The following RGS3 variants were observed in gnomAD, a reference collection of about 807,000 sequenced individuals.
RGS3 encodes the protein regulator of G-protein signalling 3.
Under a neutral mutation model 132.6 loss-of-function variants are expected in RGS3, and 80 were observed. That is an observed-to-expected ratio of 0.60 (90% confidence interval 0.50 to 0.73). The LOEUF (loss-of-function observed/expected upper bound fraction) is 0.73, where lower values mean the gene tolerates loss of function less well. Among genes scored for constraint, RGS3 ranks in the 30% least tolerant of loss-of-function variants. The pLI, the probability that RGS3 is intolerant of heterozygous loss-of-function variation, is 0.00. For synonymous variants in RGS3, 598 were observed against 620.6 expected, an observed-to-expected ratio of 0.96 and a Z score of 0.54; for missense variants, 1,382 against 1,530.8, an observed-to-expected ratio of 0.90 and a Z score of 1.62.
At position 113,584,170 on chromosome 9, in the gene RGS3, G is replaced by A. The variant is rs1353006810; in HGVS notation, c.2758G>A (p.Glu920Lys). The A allele has an allele frequency of 3.7e-6, 6 of 1,614,134 alleles. No individual in the cohort carries two copies. The African/African-American group carries it at 4.0e-5, about 11-fold the overall frequency. ...TGAGGCCAAGCGCAGCAGCATGATC[G>A]AGACGGGCCAGGGGGCTGAGGGTGG... The change falls in exon 20 of 25, where the codon GAG (glutamate) becomes AAG (lysine). Residue 920 changes from glutamate to lysine, a missense_variant. Physicochemically the swap from Glu to Lys is moderately conservative, Grantham distance 56. Transcript: ENST00000350696.
At chr9:113,455,559 T>G (rs1054811624), upstream of RGS3, among the ~76,000 whole-genome samples, 3 of 152,208 alleles carry the variant, frequency 2.0e-5, no homozygotes, top group Admixed American at 1.3e-4. Flanking sequence ...GAAGGTTTGG[T>G]CTCTTCCACT....
At chr9:113,556,940 C>T (rs1024927452) in intron 19 of RGS3, among the ~76,000 whole-genome samples, 15 of 152,228 alleles carry the variant, frequency 9.9e-5, no homozygotes, top group African/African-American at 3.4e-4. Context: ...CCTCTTCCTA[C>T]TCCTGTCCAT....
At chr9:113,478,563 C>T (rs1037427014) in intron 3 of RGS3, among the ~76,000 whole-genome samples, 5 of 152,224 alleles carry the variant, frequency 3.3e-5, no homozygotes, top group African/African-American at 1.2e-4. Context: ...AATCCCAGAA[C>T]TTTGGGAGGC....
At chr9:113,480,704 A>G (rs1830133266) in intron 4 of RGS3, among the ~76,000 whole-genome samples, 1 of 152,212 alleles carries the variant, frequency 6.6e-6, no homozygotes, top group African/African-American at 2.4e-5. Context: ...AGGGCTAGCA[A>G]GTGCAAAGGC....
rs757047409 is a variant in RGS3, at chr9:113,463,771, A to G, written c.415+1570A>G. 6.3e-6 allele frequency: 10 copies of G among 1,585,536 alleles called. No homozygotes were observed. The South Asian group carries it at 1.1e-4, about 18-fold the overall frequency. On this transcript the variant is annotated intron_variant, in intron 3 of 24. Coordinates refer to ENST00000350696, the Ensembl canonical transcript of RGS3. The surrounding 1 kb of genome is among the most constrained non-coding windows in gnomAD (Gnocchi z 4.6). The stretch of plus-strand genomic sequence containing the variant: ...GAGCAACACAGCCGCCTCGGGTTGC[A>G]GACGCTCCTGTCCGGGTCGCAGTGG...
At chr9:113,590,522 A>G (rs1475870499) in intron 20 of RGS3, among the ~76,000 whole-genome samples, 1 of 151,218 alleles carries the variant, frequency 6.6e-6, no homozygotes, top group African/African-American at 2.4e-5. Flanking sequence ...CCATCCATCC[A>G]TCCATCCACT....
intron 7 of RGS3, among the ~76,000 whole-genome samples, chr9:113,486,445 A>C (rs759168771): frequency 1.1e-4 from 16 of 152,250 alleles, no homozygotes; most frequent in Non-Finnish European, 2.1e-4. Flanking sequence ...CTGATCTTGC[A>C]GGCAGTGCAG....
At chr9:113,501,396 A>T in intron 10 of RGS3, 1 of 1,418,564 alleles carries the variant, frequency 7.0e-7, no homozygotes, top group Non-Finnish European at 9.2e-7. Flanking sequence ...CTTCGGGCTT[A>T]TCGTGCAGAG....
intron 14 of RGS3, among the ~76,000 whole-genome samples, chr9:113,512,558 G>A (rs147117676): frequency 0.014 from 2,206 of 152,240 alleles, 60 homozygotes; most frequent in African/African-American, 0.05. Flanking sequence ...GGAGGAGGAA[G>A]CAAGTGTGAA....
At chr9:113,568,019 G>A (rs1460411311) in intron 19 of RGS3, among the ~76,000 whole-genome samples, 1 of 152,230 alleles carries the variant, frequency 6.6e-6, no homozygotes, top group Non-Finnish European at 1.5e-5. Context: ...TTAGGTTGGT[G>A]TAAAAGCAAC....
chr9:113,474,468 A>T (rs941295593), intron 3 of RGS3, among the ~76,000 whole-genome samples: 12 of 152,196 alleles, frequency 7.9e-5, no homozygotes, highest in Non-Finnish European at 1.2e-4. Context: ...TGGTAAACAC[A>T]TGCTTAACCA....
intron 7 of RGS3, among the ~76,000 whole-genome samples, chr9:113,494,239 G>A (rs1052611675): frequency 3.3e-5 from 5 of 151,732 alleles, no homozygotes; most frequent in African/African-American, 1.2e-4. Context: ...TTATAAAAAC[G>A]ATACTTGTTC....
chr9:113,446,496 C>T (rs774449818), intron 1 of RGS3, among the ~76,000 whole-genome samples: 2 of 152,128 alleles, frequency 1.3e-5, no homozygotes, highest in African/African-American at 2.4e-5. Flanking sequence ...AACTGCAGGC[C>T]TCTGGTAATT....
At chr9:113,456,998 G>A (rs1198996048), upstream of RGS3, among the ~76,000 whole-genome samples, 2 of 152,120 alleles carry the variant, frequency 1.3e-5, no homozygotes, top group African/African-American at 2.4e-5. Context: ...GTTTCACCAT[G>A]TTGGCCAGGC....
At position 113,507,296 on chromosome 9, in the gene RGS3, C is replaced by T. The variant is rs1295352940; in HGVS notation, c.1095C>T (p.Pro365=). 6.2e-7 allele frequency: 1 copy of T among 1,610,654 alleles called. No individual in the cohort carries two copies. The highest frequency in any genetic ancestry group is 8.5e-7 in the Non-Finnish European group (1 of 1,178,268). ...ATCCCCCACCTTCCAGGAGCTGCCC[C>T]AGTGAGATCATCCTACTCGTGTGGC... The change falls in exon 13 of 25, where the codon CCC becomes CCT. Residue 365 remains proline (P), a synonymous_variant. Coordinates refer to ENST00000350696, the Ensembl canonical transcript of RGS3. This position sits in a 1 kb window ranked among gnomAD's most constrained non-coding sequence, Gnocchi z 5.0.
chr9:113,482,431 C>T (rs1163342546), intron 4 of RGS3, among the ~76,000 whole-genome samples: 4 of 152,138 alleles, frequency 2.6e-5, no homozygotes, highest in African/African-American at 7.2e-5. Flanking sequence ...GGTGAGTAAG[C>T]GGTGCAGCTG....
intron 19 of RGS3, among the ~76,000 whole-genome samples, chr9:113,548,821 T>C (rs984318833): frequency 3.3e-5 from 5 of 152,192 alleles, no homozygotes; most frequent in African/African-American, 1.2e-4. Flanking sequence ...GGCCTTGTGC[T>C]GAGGTTTGCT....
At chr9:113,447,331 A>ATG (rs1326015709) in intron 1 of RGS3, among the ~76,000 whole-genome samples, 4 of 70,050 alleles carry the variant, frequency 5.7e-5, no homozygotes, top group Admixed American at 4.0e-4. Context: ...ATGTATATGT[A>ATG]TATATATATA....
chr9:113,508,938 G>A (rs1235132345), intron 14 of RGS3, among the ~76,000 whole-genome samples: 1 of 152,166 alleles, frequency 6.6e-6, no homozygotes, highest in Non-Finnish European at 1.5e-5. Flanking sequence ...GAGTCAGGGA[G>A]CGTGGAGGTG....
Sources: allele counts gnomAD v4.1 joint callset (sites outside exome capture counted in the v4.1 genomes callset), GRCh38; gene constraint gnomAD v4.1.1; non-coding constraint Gnocchi (gnomAD v3.1); transcripts MANE v1.5; gene names NCBI Gene and HGNC (gene_info 2026-07-23, HGNC 2026-07-21).